KCNN2: variants seen among roughly 807,000 people sequenced by gnomAD.
KCNN2 encodes small conductance calcium-activated potassium channel protein 2.
In KCNN2, 24 loss-of-function variants were observed where a neutral mutation model predicts 55.5. That is an observed-to-expected ratio of 0.43 (90% CI 0.31 to 0.61). The LOEUF (loss-of-function observed/expected upper bound fraction) is 0.61, where lower values mean the gene tolerates loss of function less well. Among genes scored for constraint, KCNN2 ranks in the 20% least tolerant of loss-of-function variants. The pLI is 0.08. For synonymous variants in KCNN2, 431 were observed against 336.1 expected (o/e 1.28, Z -3.09); for missense variants, 754 against 853.6 (o/e 0.88, Z 1.45).
At chr5:114,203,899 C>T (rs7703150) in intron 1 of KCNN2, among the ~76,000 whole-genome samples, 4,479 of 152,258 alleles carry the variant, frequency 0.029, 222 homozygotes, top group African/African-American at 0.1. Flanking sequence ...ACATGGGTAG[C>T]AACTATGAAA....
Position 114,371,739 on chromosome 5 carries a change from T to G in KCNN2, c.1218+7738T>G, listed in dbSNP as rs528811772. Among the ~76,000 whole-genome samples, 6 of 152,294 alleles carry G rather than the reference T, an allele frequency of 3.9e-5. No homozygotes were observed. In the East Asian group the frequency reaches 5.8e-4, roughly 15 times the overall value. ...TAAATAGTCCAATTTCTTTGAATAT[T>G]CCTTCTCAGACATTGAATGTCCCTG... On this transcript the variant is annotated intron_variant, in intron 2 of 7. Coordinates refer to ENST00000673685, the MANE Select transcript of KCNN2 (RefSeq NM_021614.4).
At chr5:114,173,546 A>G (rs1192721818) in intron 1 of KCNN2, among the ~76,000 whole-genome samples, 1 of 151,412 alleles carries the variant, frequency 6.6e-6, no homozygotes, top group Non-Finnish European at 1.5e-5. Context: ...TGGTATTTTG[A>G]TAGAGATTAC....
At chr5:114,162,550 T>A (rs1266368292) in intron 1 of KCNN2, among the ~76,000 whole-genome samples, 2 of 152,164 alleles carry the variant, frequency 1.3e-5, no homozygotes, top group South Asian at 4.1e-4. Flanking sequence ...GACATTTAAA[T>A]CTGCAGAGGA....
intron 2 of KCNN2, among the ~76,000 whole-genome samples, chr5:114,324,282 G>C (rs1247251027): frequency 6.6e-6 from 1 of 152,182 alleles, no homozygotes; most frequent in Non-Finnish European, 1.5e-5. Context: ...TACTTTATAT[G>C]AAATAAAGGT....
chr5:114,086,682 C>A (rs187802106), intron 1 of KCNN2, among the ~76,000 whole-genome samples: 48 of 152,136 alleles, frequency 3.2e-4, no homozygotes, highest in African/African-American at 1.2e-3. Context: ...TTATCCACCA[C>A]TGATGGGCCC....
chr5:114,439,207 C>T (rs1234748394), intron 3 of KCNN2, among the ~76,000 whole-genome samples: 1 of 152,148 alleles, frequency 6.6e-6, no homozygotes, highest in Non-Finnish European at 1.5e-5. Context: ...GAAAACATAT[C>T]AGCAGAAATG....
At chr5:114,151,422 A>G (rs1198661799) in intron 1 of KCNN2, among the ~76,000 whole-genome samples, 1 of 152,018 alleles carries the variant, frequency 6.6e-6, no homozygotes, top group Non-Finnish European at 1.5e-5. Context: ...ACTTGGTGGG[A>G]CAGCAAAGGG....
intron 2 of KCNN2, among the ~76,000 whole-genome samples, chr5:114,396,288 G>C (rs1209428768): frequency 6.7e-6 from 1 of 149,894 alleles, no homozygotes; most frequent in Non-Finnish European, 1.5e-5. Context: ...AAGGGCTTTT[G>C]TTTTCTTAAG....
Position 114,214,058 on chromosome 5 carries a change from T to A in KCNN2, c.-270-7422T>A, listed in dbSNP as rs979801671. On this transcript the variant is annotated intron_variant, in intron 1 of 10. Transcript: ENST00000512097. ...ACAGGTTCTAGCCCCAATTTATAGA[T>A]GAGAAAGCTTAGAGAAAGTCCTAAA... is the stretch of plus-strand genomic sequence containing the variant. Among the ~76,000 whole-genome samples the A allele has an allele frequency of 3.3e-5, 5 of 152,008 alleles. No homozygotes were observed. In the East Asian group the frequency reaches 7.7e-4, roughly 23 times the overall value.
intron 2 of KCNN2, among the ~76,000 whole-genome samples, chr5:114,239,055 C>A (rs1754566627): frequency 6.6e-6 from 1 of 152,002 alleles, no homozygotes; most frequent in African/African-American, 2.4e-5. Flanking sequence ...TAGGAAGAGG[C>A]CCAAAGATTG....
chr5:114,088,107 A>G (rs1378915142), intron 1 of KCNN2, among the ~76,000 whole-genome samples: 1 of 152,030 alleles, frequency 6.6e-6, no homozygotes, highest in Non-Finnish European at 1.5e-5. Flanking sequence ...AAAGAATCAT[A>G]TTTCACCTTC....
intron 2 of KCNN2, among the ~76,000 whole-genome samples, chr5:114,320,139 A>T (rs1227189273): frequency 6.6e-6 from 1 of 152,144 alleles, no homozygotes; most frequent in East Asian, 1.9e-4. Context: ...AAACAGGAAA[A>T]GATTCGAGTA....
chr5:114,477,357 C>A (rs563672702), intron 5 of KCNN2, among the ~76,000 whole-genome samples: 1 of 152,176 alleles, frequency 6.6e-6, no homozygotes, highest in East Asian at 1.9e-4. Flanking sequence ...TTCAGGGGAA[C>A]AATTTTATAT....
rs559739510 is a variant in KCNN2, at chr5:114,473,216, G to GTGTT, written c.1890+53_1890+56dup. ...AGAGAATATTATTGTGATTTTTTCA[G>GTGTT]TGTTAGGAAATATGGTTTTTATTTT... On this transcript the variant is annotated intron_variant, in intron 5 of 7. Coordinates refer to ENST00000673685, the MANE Select transcript of KCNN2 (RefSeq NM_021614.4). 5.1e-4 allele frequency: 603 copies of GTGTT among 1,187,762 alleles called. 5 individuals carry two copies. The African/African-American group carries it at 8.5e-3, about 17-fold the overall frequency. 73.6% of individuals were successfully genotyped at this position (1,187,762 alleles called of 1,614,324 possible). A position where few individuals can be genotyped will look rare whatever the true frequency, so the allele number is the denominator to read the frequency against.
At chr5:114,100,792 C>A (rs2721303) in intron 1 of KCNN2, among the ~76,000 whole-genome samples, 49,717 of 151,746 alleles carry the variant, frequency 0.33, 8,452 homozygotes, top group African/African-American at 0.39. Context: ...GAAAATAAGA[C>A]GTATTCAAAA....
chr5:114,454,283 CCTTT>C (rs919184591), intron 3 of KCNN2, among the ~76,000 whole-genome samples: 1 of 152,148 alleles, frequency 6.6e-6, no homozygotes, highest in Non-Finnish European at 1.5e-5. Context: ...CCCTTCCCTT[CCTTT>C]CTTTCTTCCT....
chr5:114,106,640 G>GTTTTTTTTTT (rs1352770725), intron 1 of KCNN2, among the ~76,000 whole-genome samples: 1 of 92,772 alleles, frequency 1.1e-5, no homozygotes. Context: ...GGATTTTCCA[G>GTTTTTTTTTT]TTGTTTTTTT....
intron 1 of KCNN2, among the ~76,000 whole-genome samples, chr5:114,150,353 A>G (rs150030176): frequency 0.018 from 2,734 of 152,264 alleles, 78 homozygotes; most frequent in African/African-American, 0.062. Flanking sequence ...ACACATCTAC[A>G]ACCATCTGAT....
chr5:114,480,537 C>G (rs542537165), intron 5 of KCNN2, among the ~76,000 whole-genome samples: 1 of 152,106 alleles, frequency 6.6e-6, no homozygotes, highest in East Asian at 1.9e-4. Context: ...ATACCAAAAT[C>G]CGGCAGAGAT....
Sources: gnomAD v4.1 joint callset for allele counts (sites outside exome capture counted in the v4.1 genomes callset) on GRCh38, gnomAD v4.1.1 for gene constraint, MANE v1.5 for transcripts, NCBI Gene and HGNC (gene_info 2026-07-23, HGNC 2026-07-21) for gene names.